Variants in PCDH15 observed in about 807,000 individuals in gnomAD.
The protein encoded by PCDH15 is protocadherin-15.
In PCDH15, 129 loss-of-function variants were observed where a neutral mutation model predicts 178.5. The ratio of observed to expected loss-of-function variants is 0.72; its 90% CI spans 0.63 to 0.84. The LOEUF is 0.84. PCDH15 is among the 40% of genes least tolerant of loss of function. PCDH15 has a pLI of 0.00. For synonymous variants in PCDH15, 800 were observed against 732.0 expected (o/e 1.09, Z -1.50); for missense variants, 2,230 against 2,099.9 (o/e 1.06, Z -1.21).
chr10:53,972,021 A>C (rs896217797), intron 21 of PCDH15, among the ~76,000 whole-genome samples: 1 of 152,170 alleles, frequency 6.6e-6, no homozygotes, highest in Non-Finnish European at 1.5e-5. Flanking sequence ...GTATCACGCT[A>C]CCTGACTTCA....
Position 53,831,412 on chromosome 10 carries a change from T to G in PCDH15, c.4105A>C (p.Ser1369Arg), listed in dbSNP as rs749774386. The G allele has an allele frequency of 6.2e-7, 1 of 1,613,948 alleles. No homozygotes were observed. The highest frequency in any genetic ancestry group is 8.5e-7 in the Non-Finnish European group (1 of 1,180,016). Residue 1369 changes from serine to arginine, a missense_variant, in exon 30 of 38, where the codon AGT (serine) becomes CGT (arginine). Physicochemically the swap from Ser to Arg is moderately radical, Grantham distance 110. Coordinates refer to ENST00000644397, the MANE Select transcript of PCDH15 (RefSeq NM_001384140.1). ...AAGGCCCCTTCTGTGTATCCTAGAC[T>G]TTCTCCTCTCTTTTTAATGCTGGTC... ...AVTSIKKRGE[S>R]LGYTEGALLA...
intron 37 of PCDH15, chr10:53,808,948 C>G (rs1056360015): frequency 1.9e-6 from 3 of 1,559,018 alleles, no homozygotes; most frequent in African/African-American, 2.7e-5. Context: ...GGCTGGTCCA[C>G]TTTCTTCTTC....
chr10:54,195,108 G>A (rs1293072513), intron 11 of PCDH15, among the ~76,000 whole-genome samples: 1 of 152,140 alleles, frequency 6.6e-6, no homozygotes, highest in Non-Finnish European at 1.5e-5. Context: ...TGGCTAAGGA[G>A]GTAAAGTGTT....
At chr10:55,181,694 C>A (rs1301906600) in intron 1 of PCDH15, among the ~76,000 whole-genome samples, 1 of 151,872 alleles carries the variant, frequency 6.6e-6, no homozygotes, top group East Asian at 1.9e-4. Context: ...TGTATAAATG[C>A]ATATATTATG....
chr10:55,479,374 G>C (rs1341346409), intron 2 of PCDH15, among the ~76,000 whole-genome samples: 2 of 151,628 alleles, frequency 1.3e-5, no homozygotes, highest in Non-Finnish European at 3.0e-5. Context: ...TATATCAACA[G>C]AGTGAAGGAC....
chr10:55,252,740 A>C (rs1416163831), intron 1 of PCDH15, among the ~76,000 whole-genome samples: 3 of 152,112 alleles, frequency 2.0e-5, no homozygotes, highest in South Asian at 2.1e-4. Flanking sequence ...ATGTTTCACT[A>C]TATCCTCAGA....
At chr10:53,869,725 T>TGA (rs1022317870) in intron 26 of PCDH15, among the ~76,000 whole-genome samples, 6 of 152,028 alleles carry the variant, frequency 3.9e-5, no homozygotes, top group African/African-American at 1.2e-4. Flanking sequence ...GAGGATCACC[T>TGA]GAGCCCAGGA....
intron 25 of PCDH15, among the ~76,000 whole-genome samples, chr10:53,923,658 A>C (rs1240816811): frequency 1.3e-5 from 2 of 152,230 alleles, no homozygotes; most frequent in Non-Finnish European, 2.9e-5. Flanking sequence ...TTTATTTGGC[A>C]CTAGCTATAG....
intron 29 of PCDH15, among the ~76,000 whole-genome samples, chr10:53,832,761 C>T (rs990394269): frequency 1.3e-5 from 2 of 151,746 alleles, no homozygotes; most frequent in Non-Finnish European, 2.9e-5. Context: ...CTATTTTATG[C>T]CCTTTTGAGA....
intron 26 of PCDH15, among the ~76,000 whole-genome samples, chr10:53,884,177 C>T (rs2080931411): frequency 6.6e-6 from 1 of 152,188 alleles, no homozygotes; most frequent in African/African-American, 2.4e-5. Context: ...CAGGGGCTGA[C>T]ACTGACAACT....
At chr10:54,654,269 T>C (rs993498589) in intron 2 of PCDH15, among the ~76,000 whole-genome samples, 1 of 152,174 alleles carries the variant, frequency 6.6e-6, no homozygotes, top group Non-Finnish European at 1.5e-5. Context: ...GTTCAGAATA[T>C]ACAAAATGTG....
chr10:53,952,004 C>T (rs542324155), intron 23 of PCDH15, among the ~76,000 whole-genome samples: 5 of 152,274 alleles, frequency 3.3e-5, no homozygotes, highest in African/African-American at 1.2e-4. Context: ...CTGAAGGCAC[C>T]CATGTCTGGA....
At chr10:54,097,656 A>T (rs1054187314) in intron 15 of PCDH15, among the ~76,000 whole-genome samples, 4 of 152,160 alleles carry the variant, frequency 2.6e-5, no homozygotes, top group Non-Finnish European at 4.4e-5. Flanking sequence ...ATATCCTAGC[A>T]TTTTTAGTTG....
At chr10:54,788,476 G>A (rs1482574168) in intron 1 of PCDH15, among the ~76,000 whole-genome samples, 1 of 151,722 alleles carries the variant, frequency 6.6e-6, no homozygotes, top group Non-Finnish European at 1.5e-5. Context: ...AATTAGTTAA[G>A]AATTTAACGG....
intron 18 of PCDH15, among the ~76,000 whole-genome samples, chr10:54,058,015 T>C (rs978494220): frequency 6.6e-6 from 1 of 152,212 alleles, no homozygotes; most frequent in South Asian, 2.1e-4. Context: ...TCCATATCAC[T>C]ATCAGCATTT....
At chr10:54,814,221 TA>T (rs1405185558) in intron 3 of PCDH15, among the ~76,000 whole-genome samples, 5 of 152,212 alleles carry the variant, frequency 3.3e-5, no homozygotes, top group African/African-American at 1.2e-4. Flanking sequence ...AACGGGACCA[TA>T]CAGTTAATGA....
chr10:54,372,038 A>G (rs1947752638), intron 4 of PCDH15, among the ~76,000 whole-genome samples: 1 of 151,872 alleles, frequency 6.6e-6, no homozygotes, highest in Non-Finnish European at 1.5e-5. Flanking sequence ...TTTTACTACC[A>G]GCTTTCAAGT....
chr10:54,843,094 C>T (rs1376065940), intron 3 of PCDH15, among the ~76,000 whole-genome samples: 2 of 151,934 alleles, frequency 1.3e-5, no homozygotes, highest in Admixed American at 1.3e-4. Flanking sequence ...ATACTGAGAG[C>T]ATACCCTCAG....
At chr10:55,298,605 A>G (rs531020391) in intron 1 of PCDH15, among the ~76,000 whole-genome samples, 2 of 151,656 alleles carry the variant, frequency 1.3e-5, no homozygotes, top group South Asian at 4.2e-4. Flanking sequence ...TTTTTTTTTT[A>G]AGGAATTTCA....
Sources: gnomAD v4.1 joint callset for allele counts (sites outside exome capture counted in the v4.1 genomes callset) on GRCh38, gnomAD v4.1.1 for gene constraint, MANE v1.5 for transcripts, NCBI Gene and HGNC (gene_info 2026-07-23, HGNC 2026-07-21) for gene names.